Variants in DIS3L2 observed in about 807,000 individuals in gnomAD.
The protein encoded by DIS3L2 is DIS3-like exonuclease 2.
A neutral mutation model predicts 97.5 loss-of-function variants in DIS3L2; 34 were observed. The ratio of observed to expected loss-of-function variants is 0.35; its 90% CI spans 0.27 to 0.46. The LOEUF is 0.46. Among genes scored for constraint, DIS3L2 ranks in the 20% least tolerant of loss-of-function variants. The pLI is 1.00. For synonymous variants in DIS3L2, 435 were observed against 445.2 expected, an observed-to-expected ratio of 0.98 and a Z score of 0.29; for missense variants, 1,038 against 1,146.0, an observed-to-expected ratio of 0.91 and a Z score of 1.36.
At chr2:232,143,225 C>T (rs983905742) in intron 8 of DIS3L2, among the ~76,000 whole-genome samples, 1 of 152,048 alleles carries the variant, frequency 6.6e-6, no homozygotes, top group Non-Finnish European at 1.5e-5. Context: ...GCATATCACC[C>T]AGGATAGTAG....
intron 13 of DIS3L2, among the ~76,000 whole-genome samples, chr2:232,271,879 A>C (rs575335066): frequency 1.3e-5 from 2 of 152,298 alleles, no homozygotes; most frequent in South Asian, 4.1e-4. Context: ...TAGTTAGTAC[A>C]CTTTATGGAA....
intron 13 of DIS3L2, among the ~76,000 whole-genome samples, chr2:232,291,682 C>A (rs566340322): frequency 3.1e-4 from 47 of 152,252 alleles, no homozygotes; most frequent in Non-Finnish European, 4.7e-4. Flanking sequence ...TCCCTCATTA[C>A]ACCCCTGTGA....
At chr2:232,196,831 C>CA (rs1485775294) in intron 9 of DIS3L2, among the ~76,000 whole-genome samples, 2 of 151,372 alleles carry the variant, frequency 1.3e-5, no homozygotes, top group Non-Finnish European at 2.9e-5. Flanking sequence ...TACAGTTGTG[C>CA]AAAAAATGTG....
At chr2:231,985,590 T>G (rs995528480) in intron 1 of DIS3L2, among the ~76,000 whole-genome samples, 1 of 152,234 alleles carries the variant, frequency 6.6e-6, no homozygotes, top group Non-Finnish European at 1.5e-5. Flanking sequence ...GCATACACCC[T>G]TTACTTAGAC....
intron 3 of DIS3L2, chr2:232,022,965 A>C (rs901890108): frequency 6.6e-6 from 1 of 152,336 alleles, no homozygotes; most frequent in East Asian, 1.9e-4. Context: ...AGGCAGAGTT[A>C]TCGCACAATG....
At chr2:232,124,067 CA>C (rs765354093) in intron 6 of DIS3L2, among the ~76,000 whole-genome samples, 4 of 152,220 alleles carry the variant, frequency 2.6e-5, no homozygotes, top group Non-Finnish European at 5.9e-5. Flanking sequence ...CCAAGGAAAT[CA>C]TACTTCAAAG....
rs557805275 is a variant in DIS3L2, at chr2:232,321,255, C to T, written c.1740-8558C>T. Among the ~76,000 whole-genome samples the T allele has an allele frequency of 2.0e-5, 3 of 152,338 alleles. No homozygotes were observed. In the South Asian group the frequency reaches 6.2e-4, roughly 32 times the overall value. ...ACTAGCAGCTAAGGACCTCATGCCA[C>T]ACTCAGACCTGGGCGAGGGACTGAC... On this transcript the variant is annotated intron_variant, in intron 14 of 20. Coordinates refer to ENST00000325385, the MANE Select transcript of DIS3L2 (RefSeq NM_152383.5).
At chr2:232,216,183 C>G (rs1270512062) in intron 10 of DIS3L2, among the ~76,000 whole-genome samples, 2 of 152,198 alleles carry the variant, frequency 1.3e-5, no homozygotes, top group Non-Finnish European at 2.9e-5. Context: ...ATTCCTTATC[C>G]CTTTTACAGT....
rs1439646693 is a variant in DIS3L2, at chr2:232,325,646, C to T, written c.1740-4167C>T. Among the ~76,000 whole-genome samples, 2 of 152,180 alleles carry T rather than the reference C, an allele frequency of 1.3e-5. No homozygotes were observed. Among genetic ancestry groups the T allele is most frequent in the Non-Finnish European group, 1.5e-5 (1 of 68,024 alleles). ...TGGTGGGGCCCTGGTGGTGCAGGTT[C>T]CAGACGCTTGGCTGATGCCAGGCCT... On this transcript the variant is annotated intron_variant, in intron 14 of 20. Coordinates refer to ENST00000325385, the MANE Select transcript of DIS3L2 (RefSeq NM_152383.5). The surrounding 1 kb of genome is among the most constrained non-coding windows in gnomAD (Gnocchi z 4.6).
At chr2:232,295,019 C>T (rs904850718) in intron 13 of DIS3L2, among the ~76,000 whole-genome samples, 5 of 152,154 alleles carry the variant, frequency 3.3e-5, no homozygotes, top group African/African-American at 7.2e-5. Context: ...ATCTCCACTC[C>T]CTTACCCCCT....
At chr2:232,261,447 C>G (rs1355605756) in intron 12 of DIS3L2, among the ~76,000 whole-genome samples, 2 of 152,166 alleles carry the variant, frequency 1.3e-5, no homozygotes, top group Non-Finnish European at 2.9e-5. Flanking sequence ...TTCCGATGCC[C>G]CCACCTATCC....
At chr2:232,332,061 G>T (rs2741256) in intron 16 of DIS3L2, 1 of 151,778 alleles carries the variant, frequency 6.6e-6, no homozygotes, top group Non-Finnish European at 1.5e-5. Context: ...AGGGCTGTCC[G>T]AGGGCTGTCC....
intron 7 of DIS3L2, among the ~76,000 whole-genome samples, chr2:232,132,341 G>A (rs1698244136): frequency 6.6e-6 from 1 of 152,140 alleles, no homozygotes; most frequent in South Asian, 2.1e-4. Context: ...ACGTTTCCGT[G>A]CTGTCAAACA....
At chr2:232,124,235 TATC>T (rs1264504335) in intron 6 of DIS3L2, among the ~76,000 whole-genome samples, 2 of 151,988 alleles carry the variant, frequency 1.3e-5, no homozygotes, top group Non-Finnish European at 2.9e-5. Context: ...CCTTCAAAAA[TATC>T]ATCAGATACT....
chr2:232,241,570 TG>T (rs1388009845), intron 11 of DIS3L2, among the ~76,000 whole-genome samples: 5 of 152,272 alleles, frequency 3.3e-5, no homozygotes, highest in Admixed American at 2.0e-4. Context: ...AATAAGTATT[TG>T]GTTATTCTTG....
rs192461166 is a variant in DIS3L2 at position 232,216,168 on chromosome 2, C to T, written c.1204+5763C>T. Among the ~76,000 whole-genome samples, 223 of 152,312 alleles carry T rather than the reference C, an allele frequency of 1.5e-3. No individual in the cohort carries two copies. In the Middle Eastern group the frequency reaches 0.017, roughly 12 times the overall value. On this transcript the variant is annotated intron_variant, in intron 10 of 20. Transcript: ENST00000325385. ...CACTTCCCGTTGCTTTCTCACTTCC[C>T]GTGTATTCCTTATCCCTTTTACAGT...
intron 5 of DIS3L2, among the ~76,000 whole-genome samples, chr2:232,084,014 G>T (rs999816798): frequency 6.6e-6 from 1 of 152,142 alleles, no homozygotes; most frequent in South Asian, 2.1e-4. Flanking sequence ...AGTACCCAAG[G>T]TTGTATTAGT....
chr2:232,032,762 G>A (rs890080894), intron 5 of DIS3L2, among the ~76,000 whole-genome samples: 2 of 152,114 alleles, frequency 1.3e-5, no homozygotes, highest in Non-Finnish European at 2.9e-5. Flanking sequence ...TTTCCCCATT[G>A]CTTGTTTTTG....
At chr2:232,036,446 T>A (rs971383158) in intron 5 of DIS3L2, among the ~76,000 whole-genome samples, 1 of 152,244 alleles carries the variant, frequency 6.6e-6, no homozygotes, top group Admixed American at 6.5e-5. Context: ...TTCTTAGCTT[T>A]CTTGCATTGA....
Sources: gnomAD v4.1 joint callset for allele counts (sites outside exome capture counted in the v4.1 genomes callset) on GRCh38, gnomAD v4.1.1 for gene constraint, Gnocchi (gnomAD v3.1) non-coding constraint, MANE v1.5 for transcripts, NCBI Gene and HGNC (gene_info 2026-07-23, HGNC 2026-07-21) for gene names.